Variants in ZC3H4 observed in about 807,000 individuals in gnomAD.
The protein encoded by ZC3H4 is zinc finger CCCH-type containing 4.
Under a neutral mutation model 108.3 loss-of-function variants are expected in ZC3H4, and 13 were observed. The ratio of observed to expected loss-of-function variants is 0.12; its 90% CI spans 0.08 to 0.19. ZC3H4 has a LOEUF of 0.19. ZC3H4 is among the 10% of genes least tolerant of loss of function. ZC3H4 has a pLI of 1.00. For synonymous variants in ZC3H4, 917 were observed against 749.6 expected (o/e 1.22, Z -3.65); for missense variants, 1,734 against 1,838.8 (o/e 0.94, Z 1.04).
At chr19:47,074,401 A>G (rs1371381752) in intron 11 of ZC3H4, among the ~76,000 whole-genome samples, 1 of 152,208 alleles carries the variant, frequency 6.6e-6, no homozygotes, top group Non-Finnish European at 1.5e-5. Flanking sequence ...GACCTGATAC[A>G]GGGCAGACGC....
chr19:47,067,345 G>A lies in ZC3H4; in HGVS notation c.2923C>T (p.Arg975Cys), dbSNP rs375622740. 78 of 1,602,574 alleles carry A rather than the reference G, an allele frequency of 4.9e-5. No individual in the cohort carries two copies. The highest frequency in any genetic ancestry group is 5.8e-5 in the Non-Finnish European group (68 of 1,173,650). ...DVTLSKPSFA[R>C]TVLWNPEDLI... Reference sequence around the variant, plus strand: ...TCCTCGGGATTCCAGAGCACGGTGCGGGCGAAGCTGGGCTTGCTCAGGGTC... The same window carrying A: ...TCCTCGGGATTCCAGAGCACGGTGCAGGCGAAGCTGGGCTTGCTCAGGGTC... Residue 975 changes from arginine to cysteine, a missense_variant, in exon 15 of 15, where the codon CGC becomes TGC. Arg to Cys is a radical substitution (Grantham distance 180, BLOSUM62 -3). Coordinates refer to ENST00000253048, the MANE Select transcript of ZC3H4 (RefSeq NM_015168.2). This position sits in a 1 kb window ranked among gnomAD's most constrained non-coding sequence, Gnocchi z 6.4.
At chr19:47,112,252 G>A (rs773408920) in intron 2 of ZC3H4, 172 bp downstream of exon 2, 3 of 1,149,210 alleles carry the variant, frequency 2.6e-6, no homozygotes, top group African/African-American at 3.2e-5. Flanking sequence ...GAAAGCAAGC[G>A]AGAAAGAGCG....
chr19:47,090,197 C>A lies in ZC3H4; in HGVS notation c.493-8G>T, dbSNP rs140874323. 7,108 of 1,613,956 alleles carry A rather than the reference C, an allele frequency of 4.4e-3. 144 individuals are homozygous for A. The highest frequency in any genetic ancestry group is 0.037 in the African/African-American group (2,760 of 74,998). On this transcript the variant is annotated splice_polypyrimidine_tract_variant and splice_region_variant and intron_variant, in intron 4 of 14. Transcript: ENST00000253048. ...GGGGTACTGCTGGTGGGACTGCGTC[C>A]CAGAGATGGGGAAAAGAGGTGAGCC...
At chr19:47,082,140 G>C (rs1416112315) in intron 10 of ZC3H4, 44 bp downstream of exon 10, 1 of 1,497,994 alleles carries the variant, frequency 6.7e-7, no homozygotes, top group East Asian at 2.3e-5. Flanking sequence ...GAGCAGAGAA[G>C]TTCTGCGCCC....
Position 47,071,928 on chromosome 19 carries a change from G to C in ZC3H4, c.1996C>G (p.Pro666Ala). The C allele has an allele frequency of 6.2e-7, 1 of 1,612,792 alleles. No homozygotes were observed. Among genetic ancestry groups the C allele is most frequent in the South Asian group, 1.1e-5 (1 of 90,900 alleles). Residue 666 changes from proline to alanine, a missense_variant, in exon 13 of 15, where the codon CCT (proline) becomes GCT (alanine). By Grantham distance (27) the Pro-to-Ala change is conservative (BLOSUM62 -1). Coordinates refer to ENST00000253048, the MANE Select transcript of ZC3H4 (RefSeq NM_015168.2). ...PGMNPGPPMG[P>A]GGPPMMPYGP... ...TAGGGCATCATTGGAGGGCCGCCAG[G>C]GCCCATGGGTGGGCCAGGATTCATG...
intron 13 of ZC3H4, among the ~76,000 whole-genome samples, chr19:47,071,445 G>A (rs909713821): frequency 6.6e-6 from 1 of 152,090 alleles, no homozygotes; most frequent in Non-Finnish European, 1.5e-5. Flanking sequence ...AGATGGTTTT[G>A]GCCAGGCCAC....
At chr19:47,078,964 T>C (rs2057471156) in intron 11 of ZC3H4, among the ~76,000 whole-genome samples, 2 of 146,026 alleles carry the variant, frequency 1.4e-5, no homozygotes, top group Admixed American at 6.8e-5. Flanking sequence ...AAGGCGAAGG[T>C]TGCGGTGAGC....
Position 47,081,524 on chromosome 19 carries a change from G to C in ZC3H4, c.1429C>G (p.Leu477Val). The C allele has an allele frequency of 6.2e-7, 1 of 1,614,156 alleles. No homozygotes were observed. Reference protein sequence around the residue: ...HDPLTEETRELLDKMLADDAE... With the variant: ...HDPLTEETREVLDKMLADDAE... ...CCCCCGGACATTACCTTATCCAAGA[G>C]CTCCCTCGTCTCTTCGGTCAGAGGG... The change falls in exon 11 of 15, where the codon CTC becomes GTC. Residue 477 changes from leucine (L) to valine (V), a missense_variant. Physicochemically the swap from Leu to Val is conservative, Grantham distance 32. This residue lies in a region of ZC3H4 where 66 missense variants were observed against 166.8 expected (regional missense o/e 0.40). Coordinates refer to ENST00000253048, the MANE Select transcript of ZC3H4 (RefSeq NM_015168.2).
At chr19:47,109,132 T>A (rs1181850175) in intron 2 of ZC3H4, among the ~76,000 whole-genome samples, 4 of 152,188 alleles carry the variant, frequency 2.6e-5, no homozygotes, top group Non-Finnish European at 5.9e-5. Context: ...GATTTTTAAC[T>A]AATACTGGTA....
chr19:47,096,065 C>T (rs187001369), intron 2 of ZC3H4, among the ~76,000 whole-genome samples: 1 of 152,318 alleles, frequency 6.6e-6, no homozygotes, highest in Admixed American at 6.5e-5. Context: ...TTATGTCCCT[C>T]CCTTTGTCTG....
chr19:47,105,058 G>A (rs1470884179), intron 2 of ZC3H4, among the ~76,000 whole-genome samples: 1 of 152,162 alleles, frequency 6.6e-6, no homozygotes, highest in Non-Finnish European at 1.5e-5. Context: ...CAGGGAGAAT[G>A]GAGCCACAGT....
At chr19:47,109,054 A>G (rs531646754) in intron 2 of ZC3H4, among the ~76,000 whole-genome samples, 1 of 152,352 alleles carries the variant, frequency 6.6e-6, no homozygotes, top group East Asian at 1.9e-4. Flanking sequence ...GTGTATAATA[A>G]GATTTGTTAT....
At chr19:47,084,930 C>T (rs952143404) in intron 8 of ZC3H4, 126 bp downstream of exon 8, 4 of 1,294,814 alleles carry the variant, frequency 3.1e-6, no homozygotes, top group Non-Finnish European at 4.3e-6. Context: ...CTGGTCAACA[C>T]TGGCCAGCCC....
At chr19:47,110,210 G>C (rs1460494654) in intron 2 of ZC3H4, among the ~76,000 whole-genome samples, 1 of 152,070 alleles carries the variant, frequency 6.6e-6, no homozygotes, top group African/African-American at 2.4e-5. Context: ...AATCTTTTTT[G>C]GGGAGTGGGG....
Position 47,069,155 on chromosome 19 carries a change from CCTG to C in ZC3H4, c.2332_2334del (p.Gln778del). 2 of 1,607,968 alleles carry C rather than the reference CCTG, an allele frequency of 1.2e-6. No homozygotes were observed. The highest frequency in any genetic ancestry group is 1.1e-5 in the South Asian group (1 of 91,084). ...AGCCTCCTCGCTCTCTCCTCCTCCT[CCTG>C]CTGCTTCTGCTGGATCCTCAGGTAC... On this transcript the variant is annotated inframe_deletion, in exon 14 of 15. Transcript: ENST00000253048.
At chr19:47,087,504 T>G (rs1396989659) in intron 5 of ZC3H4, among the ~76,000 whole-genome samples, 1 of 149,248 alleles carries the variant, frequency 6.7e-6, no homozygotes, top group South Asian at 2.1e-4. Context: ...GGAGGCCCAG[T>G]TGGGCAGATC....
At position 47,081,417 on chromosome 19, in the gene ZC3H4, C is replaced by T. The variant is rs557312226; in HGVS notation, c.1440+96G>A. On this transcript the variant is annotated intron_variant, in intron 11 of 14. Coordinates refer to ENST00000253048, the MANE Select transcript of ZC3H4 (RefSeq NM_015168.2). Reference sequence around the variant, plus strand: ...AATTCCAGATCAACCAAACTGGGCACTGCAGAGGCTGGACAGGCAGGCCAC... The same window carrying T: ...AATTCCAGATCAACCAAACTGGGCATTGCAGAGGCTGGACAGGCAGGCCAC... 13 of 956,822 alleles carry T rather than the reference C, an allele frequency of 1.4e-5. 1 individual carries two copies. The highest frequency in any genetic ancestry group is 9.8e-5 in the East Asian group (4 of 40,756). The allele number at this position is 956,822 out of a possible 1,614,324, so 59.3% of individuals were successfully genotyped here. A position where few individuals can be genotyped will look rare whatever the true frequency, so the allele number is the denominator to read the frequency against.
intron 2 of ZC3H4, 77 bp downstream of exon 2, chr19:47,112,347 C>A (rs992196572): frequency 5.7e-6 from 7 of 1,217,836 alleles, no homozygotes; most frequent in Middle Eastern, 6.2e-4. Context: ...CCCGGCCCAA[C>A]ATGGCGGCCG....
rs375510921 is a variant in ZC3H4 at position 47,091,352 on chromosome 19, C to T, written c.493-1163G>A. On this transcript the variant is annotated intron_variant, in intron 4 of 14. Transcript: ENST00000253048. ...GTGGGAGGCCCAGGCAGGCAGATCTCTTGAGGTCAGGAGTTCCAGACCAGC... is the reference window on the plus strand; with the variant it reads ...GTGGGAGGCCCAGGCAGGCAGATCTTTTGAGGTCAGGAGTTCCAGACCAGC... Among the ~76,000 whole-genome samples, 5 of 152,220 alleles carry T rather than the reference C, an allele frequency of 3.3e-5. 1 individual carries two copies. The highest frequency in any genetic ancestry group is 1.2e-4 in the African/African-American group (5 of 41,542).
Sources: allele counts gnomAD v4.1 joint callset (sites outside exome capture counted in the v4.1 genomes callset), GRCh38; gene constraint gnomAD v4.1.1; regional missense constraint gnomAD v4.1.1; non-coding constraint Gnocchi (gnomAD v3.1); transcripts MANE v1.5; gene names NCBI Gene and HGNC (gene_info 2026-07-23, HGNC 2026-07-21).